The following ZNRF2 variants were observed in gnomAD, a reference collection of about 807,000 sequenced individuals.
The protein encoded by ZNRF2 is zinc and ring finger 2.
Under a neutral mutation model 20.4 loss-of-function variants are expected in ZNRF2, and 16 were observed. The observed-to-expected ratio is 0.79, with a 90% CI of 0.53 to 1.19. The LOEUF is 1.19. ZNRF2 is among the 50% of genes most tolerant of loss of function. ZNRF2 has a pLI of 0.00. For synonymous variants in ZNRF2, 178 were observed against 144.9 expected, an observed-to-expected ratio of 1.23 and a Z score of -1.64; for missense variants, 363 against 332.4, an observed-to-expected ratio of 1.09 and a Z score of -0.72.
At chr7:30,323,275 A>G (rs1437633046) in intron 1 of ZNRF2, among the ~76,000 whole-genome samples, 2 of 152,242 alleles carry the variant, frequency 1.3e-5, no homozygotes, top group East Asian at 1.9e-4. Context: ...TGGTAAAGGT[A>G]ATTTCCACAA....
chr7:30,364,350 A>ATCATGCCT (rs1379935211), intron 4 of ZNRF2, among the ~76,000 whole-genome samples: 3 of 152,288 alleles, frequency 2.0e-5, no homozygotes, highest in Non-Finnish European at 4.4e-5. Flanking sequence ...ACTTACTTAG[A>ATCATGCCT]TCATGCCTTG....
At chr7:30,362,279 G>T in intron 3 of ZNRF2, 98 bp from the exon 4 acceptor site, 2 of 743,814 alleles carry the variant, frequency 2.7e-6, no homozygotes, top group Non-Finnish European at 4.1e-6. Flanking sequence ...ATTTTTTTCT[G>T]TAAAAAATAT....
intron 2 of ZNRF2, among the ~76,000 whole-genome samples, chr7:30,340,049 T>TG (rs1194806151): frequency 6.6e-6 from 1 of 152,202 alleles, no homozygotes; most frequent in East Asian, 1.9e-4. Flanking sequence ...ATTCATGATT[T>TG]GGCTGTTATT....
At chr7:30,321,523 T>A (rs1167199232) in intron 1 of ZNRF2, among the ~76,000 whole-genome samples, 2 of 152,190 alleles carry the variant, frequency 1.3e-5, no homozygotes, top group Non-Finnish European at 1.5e-5. Flanking sequence ...TTTAATTCAC[T>A]GTATTTAACT....
In ZNRF2 at chr7:30,291,025, G is replaced by A. The variant is rs1798897908; in HGVS notation, c.469+5199G>A. On this transcript the variant is annotated intron_variant, in intron 1 of 4. Coordinates refer to ENST00000323037, the MANE Select transcript of ZNRF2 (RefSeq NM_147128.4). ...AACTGTTAACAAAACACTTAGTGAA[G>A]TATCTTTGTCTAGGCTGGTCAAAAA... 2.0e-5 allele frequency among the ~76,000 whole-genome samples: 3 copies of A among 152,300 alleles called. No individual in the cohort carries two copies. In the South Asian group the frequency reaches 6.2e-4, roughly 32 times the overall value.
At position 30,286,967 on chromosome 7, in the gene ZNRF2, C is replaced by T. The variant is rs190344775; in HGVS notation, c.469+1141C>T. 3.8e-3 allele frequency among the ~76,000 whole-genome samples: 586 copies of T among 152,294 alleles called. 6 individuals carry two copies. The highest frequency in any genetic ancestry group is 0.013 in the African/African-American group (560 of 41,554). ...TATCCGTTCTCATGTTCTGTACTAT[C>T]AGCACACACGCCAGCATAAATTAAA... On this transcript the variant is annotated intron_variant, in intron 1 of 4. Transcript: ENST00000323037.
chr7:30,310,814 T>G (rs1361390016), intron 1 of ZNRF2, among the ~76,000 whole-genome samples: 2 of 151,966 alleles, frequency 1.3e-5, no homozygotes, highest in African/African-American at 4.8e-5. Flanking sequence ...AGTGGCTAAT[T>G]AGGAGATTCG....
chr7:30,341,431 G>T (rs758111557), intron 2 of ZNRF2, among the ~76,000 whole-genome samples: 2 of 152,048 alleles, frequency 1.3e-5, no homozygotes, highest in Non-Finnish European at 2.9e-5. Flanking sequence ...ATTCCAGTAC[G>T]TTGTGTTTTT....
chr7:30,359,908 TGTTTATCAAAAGCCTGTATATTATA>T (rs1177211911), intron 3 of ZNRF2, among the ~76,000 whole-genome samples: 1 of 152,220 alleles, frequency 6.6e-6, no homozygotes, highest in African/African-American at 2.4e-5. Flanking sequence ...TGGAAAGCAG[TGTTTATCAAAAGCCTGTATATTATA>T]ACTGAAATAC....
intron 1 of ZNRF2, among the ~76,000 whole-genome samples, chr7:30,305,210 C>T (rs557658435): frequency 6.6e-6 from 1 of 152,046 alleles, no homozygotes; most frequent in South Asian, 2.1e-4. Flanking sequence ...GGATTTTTTT[C>T]CCCTGGAGAA....
At chr7:30,346,504 T>G (rs1220602651) in intron 2 of ZNRF2, among the ~76,000 whole-genome samples, 2 of 152,142 alleles carry the variant, frequency 1.3e-5, no homozygotes, top group Non-Finnish European at 2.9e-5. Flanking sequence ...TATTCTACTT[T>G]TTAACTTGCA....
intron 1 of ZNRF2, among the ~76,000 whole-genome samples, chr7:30,300,882 T>G (rs1799103272): frequency 6.6e-6 from 1 of 152,236 alleles, no homozygotes. Flanking sequence ...ATGTTTCTTT[T>G]TTGTTTTCAT....
chr7:30,294,742 A>AC (rs1286722275), intron 1 of ZNRF2, among the ~76,000 whole-genome samples: 2 of 151,478 alleles, frequency 1.3e-5, no homozygotes, highest in South Asian at 4.2e-4. Context: ...CCGAGATCAC[A>AC]CCACTGTACT....
intron 1 of ZNRF2, among the ~76,000 whole-genome samples, chr7:30,286,622 A>T (rs1798795288): frequency 6.6e-6 from 1 of 152,230 alleles, no homozygotes; most frequent in Admixed American, 6.5e-5. Context: ...TTACTACAGA[A>T]ACAGGAGGAA....
In ZNRF2 at chr7:30,321,738, A is replaced by C. The variant is rs28396635; in HGVS notation, c.470-1904A>C. Among the ~76,000 whole-genome samples the C allele has an allele frequency of 6.7e-3, 1,013 of 152,232 alleles. 16 individuals carry two copies. Among genetic ancestry groups the C allele is most frequent in the African/African-American group, 0.023 (974 of 41,538 alleles). On this transcript the variant is annotated intron_variant, in intron 1 of 4. Coordinates refer to ENST00000323037, the MANE Select transcript of ZNRF2 (RefSeq NM_147128.4). Reference sequence around the variant, plus strand: ...TGCTAAGTTTAACTTCAGGGAAGCAAATTTTTTAAGTTTCAAGGCAAGAAT... The same window carrying C: ...TGCTAAGTTTAACTTCAGGGAAGCACATTTTTTAAGTTTCAAGGCAAGAAT...
Position 30,362,400 on chromosome 7 carries a change from TA to T in ZNRF2, c.698del (p.Asn233IlefsTer18), listed in dbSNP as rs1444050669. 6.3e-7 allele frequency: 1 copy of T among 1,592,634 alleles called. No individual in the cohort carries two copies. The highest frequency in any genetic ancestry group is 1.1e-5 in the South Asian group (1 of 87,036). On this transcript the variant is annotated frameshift_variant, in exon 4 of 5. Coordinates refer to ENST00000323037, the MANE Select transcript of ZNRF2 (RefSeq NM_147128.4). LOFTEE classifies it high-confidence loss of function. ...HKGCIDEWFEVNRSCPEHPSD is the reference protein window; with the variant it reads ...HKGCIDEWFEXNRSCPEHPSD ...AGCTGCATAGATGAATGGTTTGAAG[TA>T]AATAGATCTTGCCCTGAGCACCCTT...
At chr7:30,333,993 T>C (rs569149588) in intron 2 of ZNRF2, among the ~76,000 whole-genome samples, 2 of 152,314 alleles carry the variant, frequency 1.3e-5, no homozygotes, top group Admixed American at 6.5e-5. Flanking sequence ...AGCTCTTCAG[T>C]TTAATTAAGT....
chr7:30,286,738 C>T (rs570812025), intron 1 of ZNRF2, among the ~76,000 whole-genome samples: 2 of 152,334 alleles, frequency 1.3e-5, no homozygotes, highest in South Asian at 2.1e-4. Flanking sequence ...ACCACCTCCC[C>T]TCTCCCCTTT....
chr7:30,315,038 G>A (rs553804846), intron 1 of ZNRF2, among the ~76,000 whole-genome samples: 3 of 152,042 alleles, frequency 2.0e-5, no homozygotes, highest in African/African-American at 7.2e-5. Context: ...GGATGGTCTC[G>A]ATCTCCTGAC....
Sources: allele counts gnomAD v4.1 joint callset (sites outside exome capture counted in the v4.1 genomes callset), GRCh38; gene constraint gnomAD v4.1.1; transcripts MANE v1.5; gene names NCBI Gene and HGNC (gene_info 2026-07-23, HGNC 2026-07-21).